The following NIBAN2 variants were observed in gnomAD, a reference collection of about 807,000 sequenced individuals.
The protein encoded by NIBAN2 is protein Niban 2.
Under a neutral mutation model 81.8 loss-of-function variants are expected in NIBAN2, and 36 were observed. That is an observed-to-expected ratio of 0.44 (90% CI 0.34 to 0.58). The LOEUF (loss-of-function observed/expected upper bound fraction) is 0.58, where lower values mean the gene tolerates loss of function less well. Among genes scored for constraint, NIBAN2 ranks in the 20% least tolerant of loss-of-function variants. The pLI is 0.02. For missense variants in NIBAN2, 897 were observed against 1,014.1 expected (o/e 0.88, Z 1.57); for synonymous variants, 445 against 441.6 (o/e 1.01, Z -0.10).
intron 8 of NIBAN2, 32 bp from the exon 9 acceptor site, chr9:127,510,365 C>T (rs201600255): frequency 6.4e-6 from 10 of 1,557,406 alleles, no homozygotes; most frequent in African/African-American, 1.4e-5. Context: ...TCAGCAGGGG[C>T]TCCCCAAGGA....
chr9:127,535,633 G>C (rs952837106), intron 1 of NIBAN2, among the ~76,000 whole-genome samples: 1 of 152,158 alleles, frequency 6.6e-6, no homozygotes, highest in African/African-American at 2.4e-5. Context: ...GCAAGGGCCA[G>C]GGGTCCAGGA....
rs1430535055 is a variant in NIBAN2 at position 127,517,323 on chromosome 9, C to T, written c.706-107G>A. On this transcript the variant is annotated intron_variant, in intron 6 of 13. Coordinates refer to ENST00000373312, the MANE Select transcript of NIBAN2 (RefSeq NM_022833.4). The surrounding 1 kb of genome is among the most constrained non-coding windows in gnomAD (Gnocchi z 4.0). ...GCCGCTGCAGCCCCCACCTCCTCCG[C>T]GACTGGCCCATTGCTTCACCCTCCC... The T allele has an allele frequency of 2.6e-5, 23 of 875,322 alleles. No homozygotes were observed. The highest frequency in any genetic ancestry group is 2.1e-4 in the Admixed American group (9 of 42,134). The allele number at this position is 875,322 out of a possible 1,614,324, so 54.2% of individuals were successfully genotyped here.
Position 127,563,035 on chromosome 9 carries a change from T to C in NIBAN2, c.55+5785A>G, listed in dbSNP as rs1588189747. ...TGGTTATCGCAGGACGGCGGGTGAG[T>C]GGTTCCTAGTCCTGTTTTTCCGCTT... On this transcript the variant is annotated intron_variant, in intron 1 of 13. Coordinates refer to ENST00000373312, the MANE Select transcript of NIBAN2 (RefSeq NM_022833.4). This position sits in a 1 kb window ranked among gnomAD's most constrained non-coding sequence, Gnocchi z 4.1. Among the ~76,000 whole-genome samples the C allele has an allele frequency of 6.6e-6, 1 of 151,740 alleles. No homozygotes were observed. The highest frequency in any genetic ancestry group is 1.5e-5 in the Non-Finnish European group (1 of 67,964).
In NIBAN2 at chr9:127,525,277, G is replaced by A; in HGVS notation, c.316-114C>T. On this transcript the variant is annotated intron_variant, in intron 3 of 13. Transcript: ENST00000373312. ...CCAAAGTGGGGAGGAGAAGGGAAAG[G>A]AAGAAGAGGCAAGAGAGGAACAGAG... is the stretch of plus-strand genomic sequence containing the variant. 4.9e-6 allele frequency: 3 copies of A among 615,276 alleles called. No homozygotes were observed. The Admixed American group carries it at 9.5e-5, about 19-fold the overall frequency. 38.1% of individuals were successfully genotyped at this position (615,276 alleles called of 1,614,324 possible). A position where few individuals can be genotyped will look rare whatever the true frequency, so the allele number is the denominator to read the frequency against.
chr9:127,521,952 G>A (rs149143593), intron 5 of NIBAN2, among the ~76,000 whole-genome samples: 315 of 152,316 alleles, frequency 2.1e-3, no homozygotes, highest in African/African-American at 7.2e-3. Context: ...GGGGACTGAG[G>A]TGGCCCTTCC....
chr9:127,524,996 T>G, intron 4 of NIBAN2, 62 bp downstream of exon 4: 1 of 1,329,114 alleles, frequency 7.5e-7, no homozygotes, highest in Non-Finnish European at 1.1e-6. Context: ...GGGCCACCCC[T>G]CCCCTGGCCA....
rs1466409826 is a variant in NIBAN2, at chr9:127,545,363, C to T, written c.56-13585G>A. Among the ~76,000 whole-genome samples the T allele has an allele frequency of 6.6e-6, 1 of 152,210 alleles. No homozygotes were observed. ...TTAATGCCTCATCTGAGACGCTCCC[C>T]GGACTGAGACTGCTCTCCGCTGTCT... is the stretch of plus-strand genomic sequence containing the variant. On this transcript the variant is annotated intron_variant, in intron 1 of 13. Coordinates refer to ENST00000373312, the MANE Select transcript of NIBAN2 (RefSeq NM_022833.4). This position sits in a 1 kb window ranked among gnomAD's most constrained non-coding sequence, Gnocchi z 4.7.
At chr9:127,553,887 T>C (rs1837620813) in intron 1 of NIBAN2, among the ~76,000 whole-genome samples, 1 of 152,138 alleles carries the variant, frequency 6.6e-6, no homozygotes, top group African/African-American at 2.4e-5. Flanking sequence ...GGCTAATTTT[T>C]TTTTACTTAG....
intron 8 of NIBAN2, among the ~76,000 whole-genome samples, chr9:127,516,051 T>C (rs1175579013): frequency 6.6e-6 from 1 of 150,978 alleles, no homozygotes; most frequent in Non-Finnish European, 1.5e-5. Flanking sequence ...AGTGGGAGGA[T>C]GGTAGAGACT....
chr9:127,506,607 ACC>A lies in NIBAN2; in HGVS notation c.*236_*237del. On this transcript the variant is annotated 3_prime_UTR_variant, in exon 14 of 14. Transcript: ENST00000373312. ...TCCAGCCCTTGGCACAAGCAGGAAA[ACC>A]CCAAAACCAGCCCCTGCATCTGAGA... 2.4e-6 allele frequency: 1 copy of A among 418,070 alleles called. No individual in the cohort carries two copies. Among genetic ancestry groups the A allele is most frequent in the Non-Finnish European group, 4.2e-6 (1 of 236,994 alleles). 25.9% of individuals were successfully genotyped at this position (418,070 alleles called of 1,614,324 possible).
chr9:127,524,753 G>A lies in NIBAN2; in HGVS notation c.421+305C>T, dbSNP rs181949693. The A allele has an allele frequency of 5.4e-4, 154 of 285,176 alleles. 1 individual carries two copies. Among genetic ancestry groups the A allele is most frequent in the African/African-American group, 3.2e-3 (147 of 45,848 alleles). The allele number at this position is 285,176 out of a possible 1,614,324, so 17.7% of individuals were successfully genotyped here. On this transcript the variant is annotated intron_variant, in intron 4 of 13. Transcript: ENST00000373312. ...CATCAGAGAGGCCAATGTTGTTCCC[G>A]TAAGGCTTCTAGGGAATTTCAGCCA...
chr9:127,526,089 C>A (rs919237306), intron 3 of NIBAN2, among the ~76,000 whole-genome samples: 1 of 152,130 alleles, frequency 6.6e-6, no homozygotes, highest in Non-Finnish European at 1.5e-5. Flanking sequence ...CAACACCACC[C>A]GAGAACTTAC....
chr9:127,511,014 C>T (rs902965555), intron 8 of NIBAN2, among the ~76,000 whole-genome samples: 1 of 151,988 alleles, frequency 6.6e-6, no homozygotes, highest in South Asian at 2.1e-4. Flanking sequence ...ATTTTTCAGC[C>T]CTCTCCCAAC....
At chr9:127,516,576 A>G (rs922581384) in intron 8 of NIBAN2, among the ~76,000 whole-genome samples, 8 of 152,168 alleles carry the variant, frequency 5.3e-5, no homozygotes, top group African/African-American at 1.4e-4. Context: ...ACGTAAATGT[A>G]CTTTAAAATG....
chr9:127,525,588 A>G (rs1837048223), intron 3 of NIBAN2, among the ~76,000 whole-genome samples: 1 of 152,196 alleles, frequency 6.6e-6, no homozygotes, highest in Admixed American at 6.5e-5. Flanking sequence ...TGCCTGGCAC[A>G]CCACAAGGAC....
intron 2 of NIBAN2, among the ~76,000 whole-genome samples, chr9:127,531,206 T>G (rs1228332532): frequency 7.1e-6 from 1 of 140,924 alleles, no homozygotes. Flanking sequence ...AAGCCGCACA[T>G]AGTGGCTCAC....
At position 127,510,715 on chromosome 9, in the gene NIBAN2, A is replaced by T. The variant is rs531831805; in HGVS notation, c.974-382T>A. ...CTCCCAAAGTGCTGGGATTACAGGC[A>T]TGAGCCACCATGCCCGGCCTATTAT... On this transcript the variant is annotated intron_variant, in intron 8 of 13. Coordinates refer to ENST00000373312, the MANE Select transcript of NIBAN2 (RefSeq NM_022833.4). Among the ~76,000 whole-genome samples the T allele has an allele frequency of 2.6e-5, 4 of 151,870 alleles. 1 individual carries two copies. Among genetic ancestry groups the T allele is most frequent in the African/African-American group, 9.7e-5 (4 of 41,422 alleles).
At chr9:127,514,339 GGATA>G (rs1446822577) in intron 8 of NIBAN2, among the ~76,000 whole-genome samples, 1 of 151,806 alleles carries the variant, frequency 6.6e-6, no homozygotes, top group Non-Finnish European at 1.5e-5. Flanking sequence ...ATGCTTGAGG[GGATA>G]GATACCCCAT....
Position 127,531,791 on chromosome 9 carries a change from G to A in NIBAN2, c.56-13C>T. 1.2e-6 allele frequency: 2 copies of A among 1,614,112 alleles called. No homozygotes were observed. Among genetic ancestry groups the A allele is most frequent in the Non-Finnish European group, 1.7e-6 (2 of 1,179,988 alleles). On this transcript the variant is annotated splice_polypyrimidine_tract_variant and intron_variant, in intron 1 of 13. Transcript: ENST00000373312. ...TTCCCGGTTTTTTCTGGAAGAGAAG[G>A]ACAAGCAGGAGCTTGAGGTCCTCAG...
Sources: gnomAD v4.1 joint callset for allele counts (sites outside exome capture counted in the v4.1 genomes callset) on GRCh38, gnomAD v4.1.1 for gene constraint, Gnocchi (gnomAD v3.1) non-coding constraint, MANE v1.5 for transcripts, NCBI Gene and HGNC (gene_info 2026-07-23, HGNC 2026-07-21) for gene names.